The following NAALADL2 variants were observed in gnomAD, a reference collection of about 807,000 sequenced individuals.
NAALADL2 encodes the protein N-acetylated alpha-linked acidic dipeptidase like 2.
Under a neutral mutation model 87.2 loss-of-function variants are expected in NAALADL2, and 76 were observed. The ratio of observed to expected loss-of-function variants is 0.87; its 90% CI spans 0.72 to 1.05. The LOEUF (loss-of-function observed/expected upper bound fraction) is 1.05. Ranked by LOEUF, NAALADL2 falls within the 50% of genes least tolerant of loss-of-function variation. The pLI, the probability that NAALADL2 is intolerant of heterozygous loss-of-function variation, is 0.00. For synonymous variants in NAALADL2, 354 were observed against 331.0 expected, an observed-to-expected ratio of 1.07 and a Z score of -0.75; for missense variants, 1,089 against 945.8, an observed-to-expected ratio of 1.15 and a Z score of -1.99.
chr3:174,682,841 T>G (rs1384852524), intron 2 of NAALADL2, among the ~76,000 whole-genome samples: 1 of 152,208 alleles, frequency 6.6e-6, no homozygotes, highest in Non-Finnish European at 1.5e-5. Context: ...TACCTTACTG[T>G]TTGATGCTTT....
chr3:174,860,787 T>G (rs776185718), intron 1 of NAALADL2, among the ~76,000 whole-genome samples: 2 of 152,084 alleles, frequency 1.3e-5, no homozygotes, highest in Non-Finnish European at 2.9e-5. Context: ...TTTTTTTAAT[T>G]GAATCCCAGA....
At chr3:174,499,736 A>G (rs1343370136) in intron 1 of NAALADL2, among the ~76,000 whole-genome samples, 1 of 151,984 alleles carries the variant, frequency 6.6e-6, no homozygotes, top group African/African-American at 2.4e-5. Flanking sequence ...TTGTTCCTGT[A>G]TATGTGGGTC....
intron 2 of NAALADL2, among the ~76,000 whole-genome samples, chr3:175,228,481 G>T (rs1744478119): frequency 6.6e-6 from 1 of 151,508 alleles, no homozygotes; most frequent in Non-Finnish European, 1.5e-5. Context: ...CTACTATCCT[G>T]AGGTGACAGA....
rs557600514 is a variant in NAALADL2 at position 174,992,350 on chromosome 3, GT to G, written c.44-104437del. Reference sequence around the variant, plus strand: ...GATTTGAAGCAACGTAATTTCTTGAGTTTACTAACAATGAATCTCTCAGGAA... The same window carrying G: ...GATTTGAAGCAACGTAATTTCTTGAGTTACTAACAATGAATCTCTCAGGAA... On this transcript the variant is annotated intron_variant, in intron 1 of 13. Coordinates refer to ENST00000454872, the MANE Select transcript of NAALADL2 (RefSeq NM_207015.3). Among the ~76,000 whole-genome samples, 509 of 152,130 alleles carry G rather than the reference GT, an allele frequency of 3.3e-3. 1 individual carries two copies. The highest frequency in any genetic ancestry group is 0.012 in the African/African-American group (488 of 41,548).
At chr3:175,659,835 T>C (rs1221094844) in intron 11 of NAALADL2, among the ~76,000 whole-genome samples, 1 of 152,196 alleles carries the variant, frequency 6.6e-6, no homozygotes, top group African/African-American at 2.4e-5. Context: ...CTTTGTTTTG[T>C]AATGCTTTGT....
chr3:174,599,140 T>G (rs1326199035), intron 2 of NAALADL2, among the ~76,000 whole-genome samples: 1 of 152,168 alleles, frequency 6.6e-6, no homozygotes, highest in African/African-American at 2.4e-5. Flanking sequence ...ATGAACTGCC[T>G]GCTTCTTGCT....
chr3:175,710,434 A>G (rs938207452), intron 11 of NAALADL2, among the ~76,000 whole-genome samples: 1 of 152,010 alleles, frequency 6.6e-6, no homozygotes, highest in African/African-American at 2.4e-5. Context: ...ATGATTATCA[A>G]TTAATAGCGG....
At chr3:175,028,919 A>T (rs1031086983) in intron 1 of NAALADL2, among the ~76,000 whole-genome samples, 43 of 151,776 alleles carry the variant, frequency 2.8e-4, no homozygotes, top group African/African-American at 9.4e-4. Context: ...TTTGTTTTAG[A>T]ATCAAAAGTC....
chr3:175,629,303 TAGAC>T (rs571946411), intron 11 of NAALADL2, among the ~76,000 whole-genome samples: 62 of 148,640 alleles, frequency 4.2e-4, no homozygotes, highest in Middle Eastern at 3.6e-3. Flanking sequence ...CAGACACACA[TAGAC>T]ACACACATAA....
rs1553847862 is a variant in NAALADL2 at position 175,281,119 on chromosome 3, A to AT, written c.939+24589_939+24590insT. Among the ~76,000 whole-genome samples the AT allele has an allele frequency of 1.1e-3, 168 of 149,394 alleles. No individual in the cohort carries two copies. The South Asian group carries it at 0.012, about 10-fold the overall frequency. On this transcript the variant is annotated intron_variant, in intron 4 of 13. Coordinates refer to ENST00000454872, the MANE Select transcript of NAALADL2 (RefSeq NM_207015.3). ...ACTAAAATAATTAAAACTTAAAAAA[A>AT]ATATATATATATATAAATGGATTGG... is the stretch of plus-strand genomic sequence containing the variant.
intron 1 of NAALADL2, among the ~76,000 whole-genome samples, chr3:174,444,023 G>A (rs1433213272): frequency 1.4e-5 from 2 of 144,720 alleles, no homozygotes; most frequent in Admixed American, 1.4e-4. Context: ...GAAAAGGGAG[G>A]GAGGAAATGG....
intron 11 of NAALADL2, among the ~76,000 whole-genome samples, chr3:175,638,625 G>T (rs111581265): frequency 1.3e-5 from 2 of 152,010 alleles, no homozygotes; most frequent in Non-Finnish European, 2.9e-5. Flanking sequence ...AGCTTCTTCC[G>T]GTACTAGTTA....
At chr3:175,320,109 T>C (rs1300062580) in intron 4 of NAALADL2, among the ~76,000 whole-genome samples, 1 of 152,194 alleles carries the variant, frequency 6.6e-6, no homozygotes, top group Non-Finnish European at 1.5e-5. Context: ...TCCTTTATTA[T>C]CTTTATGTTC....
At chr3:174,450,040 C>T (rs1577937126) in intron 1 of NAALADL2, among the ~76,000 whole-genome samples, 1 of 151,996 alleles carries the variant, frequency 6.6e-6, no homozygotes, top group Non-Finnish European at 1.5e-5. Context: ...CACACACACA[C>T]ACACACATAT....
chr3:175,177,457 T>C (rs112064870), intron 2 of NAALADL2, among the ~76,000 whole-genome samples: 232 of 152,212 alleles, frequency 1.5e-3, no homozygotes, highest in Non-Finnish European at 2.0e-3. Flanking sequence ...TTTCAGACCC[T>C]ACTCCGATCA....
At chr3:175,511,055 T>G (rs1052681132) in intron 9 of NAALADL2, among the ~76,000 whole-genome samples, 5 of 152,198 alleles carry the variant, frequency 3.3e-5, no homozygotes, top group Non-Finnish European at 7.3e-5. Flanking sequence ...AGAGGCTAAA[T>G]TCATAAAAGT....
intron 11 of NAALADL2, among the ~76,000 whole-genome samples, chr3:175,724,087 G>A (rs1742603439): frequency 6.6e-6 from 1 of 152,054 alleles, no homozygotes; most frequent in Admixed American, 6.6e-5. Context: ...TTTAACTGAG[G>A]ACTGTTGAAT....
At chr3:175,249,744 GA>G (rs1748669644) in intron 3 of NAALADL2, among the ~76,000 whole-genome samples, 1 of 152,094 alleles carries the variant, frequency 6.6e-6, no homozygotes, top group Non-Finnish European at 1.5e-5. Flanking sequence ...TCTATGGACT[GA>G]CTTGTGTCTT....
At chr3:175,700,515 T>C (rs1328711152) in intron 11 of NAALADL2, among the ~76,000 whole-genome samples, 1 of 152,176 alleles carries the variant, frequency 6.6e-6, no homozygotes, top group Non-Finnish European at 1.5e-5. Context: ...TGATACGTAT[T>C]GAAGATCTTG....
Sources: gnomAD v4.1 joint callset for allele counts (sites outside exome capture counted in the v4.1 genomes callset) on GRCh38, gnomAD v4.1.1 for gene constraint, MANE v1.5 for transcripts, NCBI Gene and HGNC (gene_info 2026-07-23, HGNC 2026-07-21) for gene names.